GATA4: variants seen among roughly 807,000 people sequenced by gnomAD.
GATA4 encodes the protein transcription factor GATA-4.
GATA4 carries 7 observed loss-of-function variants against 37.9 expected under a neutral mutation model. The observed-to-expected ratio is 0.18, with a 90% CI of 0.11 to 0.35. GATA4 has a LOEUF of 0.35. Among genes scored for constraint, GATA4 ranks in the 10% least tolerant of loss-of-function variants. The probability of loss-of-function intolerance (pLI) is 1.00; values close to 1 mark genes in which losing one functional copy is unlikely to be tolerated. For synonymous variants in GATA4, 372 were observed against 292.6 expected, an observed-to-expected ratio of 1.27 and a Z score of -2.77; for missense variants, 647 against 653.0, an observed-to-expected ratio of 0.99 and a Z score of 0.10.
intron 4 of GATA4, among the ~76,000 whole-genome samples, chr8:11,754,137 A>G (rs17153757): frequency 0.13 from 19,055 of 152,288 alleles, 2,190 homozygotes; most frequent in East Asian, 0.59. Flanking sequence ...TGCAATAAGT[A>G]GAGTGATGTT....
upstream of GATA4, among the ~76,000 whole-genome samples, chr8:11,703,378 C>G (rs1447712022): frequency 2.0e-5 from 3 of 152,118 alleles, no homozygotes; most frequent in Admixed American, 6.5e-5. Flanking sequence ...ACGCCGACTC[C>G]CAACTCAGGC....
At chr8:11,700,924 T>C (rs904187548), upstream of GATA4, 4 of 152,196 alleles carry the variant, frequency 2.6e-5, no homozygotes, top group African/African-American at 9.7e-5. Flanking sequence ...AAAACAAACT[T>C]GGACAGGTCC....
chr8:11,734,096 A>T (rs1801336414), intron 2 of GATA4, among the ~76,000 whole-genome samples: 1 of 152,216 alleles, frequency 6.6e-6, no homozygotes, highest in South Asian at 2.1e-4. Context: ...ATAACAGCTT[A>T]AACAGCACCA....
At chr8:11,705,878 G>A (rs1283051447) in intron 1 of GATA4, 1 of 152,118 alleles carries the variant, frequency 6.6e-6, no homozygotes. Context: ...CTGGAAGTTG[G>A]ATTATAAAAT....
upstream of GATA4, among the ~76,000 whole-genome samples, chr8:11,699,746 A>G (rs186515520): frequency 4.9e-3 from 745 of 152,370 alleles, 5 homozygotes; most frequent in African/African-American, 0.015. Context: ...CAAAAAGGCT[A>G]TGGTGTCCGT....
chr8:11,693,076 G>A lies in GATA4; in HGVS notation c.-729+416G>A, dbSNP rs1046587207. ...GTGGGCCGGCAGCGTTTTTCTACCC[G>A]GCAACAAATACATGGCTTTATTCCA... On this transcript the variant is annotated intron_variant, in intron 1 of 2. Coordinates refer to the GATA4 transcript ENST00000526974. 1.4e-5 allele frequency: 14 copies of A among 984,940 alleles called. No individual in the cohort carries two copies. In the Admixed American group the frequency reaches 5.5e-4, roughly 39 times the overall value. The allele number at this position is 984,940 out of a possible 1,614,324, so 61.0% of individuals were successfully genotyped here.
At chr8:11,754,942 A>C (rs1289114123) in intron 4 of GATA4, 104 bp from the exon 5 acceptor site, 2 of 843,696 alleles carry the variant, frequency 2.4e-6, no homozygotes, top group African/African-American at 1.7e-5. Flanking sequence ...CTTTGTGGAG[A>C]GATTGCTTAG....
chr8:11,738,726 A>G (rs1801579572), intron 2 of GATA4, among the ~76,000 whole-genome samples: 1 of 152,308 alleles, frequency 6.6e-6, no homozygotes, highest in South Asian at 2.1e-4. Flanking sequence ...TGCTTTCCCC[A>G]CTGGCTGCGG....
At chr8:11,743,627 C>T (rs552630247) in intron 2 of GATA4, among the ~76,000 whole-genome samples, 4 of 152,372 alleles carry the variant, frequency 2.6e-5, no homozygotes, top group African/African-American at 9.6e-5. Context: ...TCCCTCTCCC[C>T]GCCCTGACTG....
chr8:11,678,507 C>G (rs189911267), intron 1 of GATA4, among the ~76,000 whole-genome samples: 2 of 152,060 alleles, frequency 1.3e-5, no homozygotes, highest in Non-Finnish European at 2.9e-5. Context: ...CTCTTCTGTA[C>G]GCTGTCCAAA....
Position 11,707,032 on chromosome 8 carries a change from T to C in GATA4, c.-457-824T>C, listed in dbSNP as rs955387641. On this transcript the variant is annotated intron_variant, in intron 1 of 6. Coordinates refer to ENST00000532059, the MANE Select transcript of GATA4 (RefSeq NM_001308093.3). The surrounding 1 kb of genome is among the most constrained non-coding windows in gnomAD (Gnocchi z 4.7). ...TCCCCAAGCACCCACCTTGGTGTTA[T>C]GATTCTGCTTATGGGTGGATTTATT... 1.3e-5 allele frequency among the ~76,000 whole-genome samples: 2 copies of C among 152,382 alleles called. No individual in the cohort carries two copies. The highest frequency in any genetic ancestry group is 2.1e-4 in the South Asian group (1 of 4,830).
upstream of GATA4, among the ~76,000 whole-genome samples, chr8:11,699,359 A>G (rs1235009702): frequency 2.6e-5 from 4 of 152,314 alleles, no homozygotes; most frequent in South Asian, 2.1e-4. Context: ...AAAGCCCCAT[A>G]TGTGAAAGAA....
intron 6 of GATA4, 77 bp from the exon 7 acceptor site, chr8:11,758,216 G>T: frequency 6.8e-7 from 1 of 1,464,234 alleles, no homozygotes; most frequent in Non-Finnish European, 9.5e-7. Context: ...GCATAGCAGG[G>T]CACCCTCCCC....
intron 1 of GATA4, chr8:11,692,856 C>A: frequency 1.0e-6 from 1 of 981,626 alleles, no homozygotes; most frequent in Non-Finnish European, 1.2e-6. Flanking sequence ...GGGGGCTGAC[C>A]CCGAGCGCCG....
upstream of GATA4, among the ~76,000 whole-genome samples, chr8:11,688,384 G>A (rs552671835): frequency 2.0e-5 from 3 of 152,178 alleles, no homozygotes; most frequent in Non-Finnish European, 4.4e-5. Context: ...ATTCTTTTGA[G>A]TATGTATTGT....
chr8:11,750,897 T>C (rs1802272782), intron 4 of GATA4, among the ~76,000 whole-genome samples: 1 of 152,020 alleles, frequency 6.6e-6, no homozygotes, highest in South Asian at 2.1e-4. Context: ...CAGTGAGCTC[T>C]GATTGTCCCA....
chr8:11,724,712 A>T (rs1267001919), intron 2 of GATA4, among the ~76,000 whole-genome samples: 1 of 148,080 alleles, frequency 6.8e-6, no homozygotes, highest in Non-Finnish European at 1.5e-5. Flanking sequence ...GGACACATGC[A>T]CAAAGAAGTG....
intron 1 of GATA4, chr8:11,683,169 C>G (rs1799029620): frequency 2.1e-6 from 2 of 951,376 alleles, no homozygotes; most frequent in East Asian, 2.3e-4. Context: ...GGCTCGCTAT[C>G]TAATCTGGAC....
intron 2 of GATA4, among the ~76,000 whole-genome samples, chr8:11,726,264 A>C (rs556474031): frequency 7.9e-5 from 12 of 152,232 alleles, no homozygotes; most frequent in Non-Finnish European, 1.6e-4. Flanking sequence ...ACAGAAGCCC[A>C]GGGATGAGCC....
Sources: allele counts gnomAD v4.1 joint callset (sites outside exome capture counted in the v4.1 genomes callset), GRCh38; gene constraint gnomAD v4.1.1; non-coding constraint Gnocchi (gnomAD v3.1); transcripts MANE v1.5; gene names NCBI Gene and HGNC (gene_info 2026-07-23, HGNC 2026-07-21).